FGD6: variants seen among roughly 807,000 people sequenced by gnomAD.
FGD6 encodes the protein FYVE, RhoGEF and PH domain-containing protein 6.
A neutral mutation model predicts 149.4 loss-of-function variants in FGD6; 90 were observed. The observed-to-expected ratio is 0.60, with a 90% confidence interval of 0.51 to 0.72. The LOEUF is 0.72. FGD6 is among the 30% of genes least tolerant of loss of function. The probability of loss-of-function intolerance (pLI) is 0.00; values close to 1 mark genes in which losing one functional copy is unlikely to be tolerated. For missense variants in FGD6, 1,437 were observed against 1,684.8 expected (o/e 0.85, Z 2.57); for synonymous variants, 527 against 584.0 (o/e 0.90, Z 1.41).
chr12:95,213,360 C>T (rs1336959624), intron 1 of FGD6, among the ~76,000 whole-genome samples: 3 of 152,126 alleles, frequency 2.0e-5, no homozygotes, highest in Non-Finnish European at 4.4e-5. Flanking sequence ...GGGAGGATTG[C>T]TTGAGCTCAG....
chr12:95,123,347 A>C (rs766716338), intron 8 of FGD6, among the ~76,000 whole-genome samples: 1 of 152,054 alleles, frequency 6.6e-6, no homozygotes, highest in African/African-American at 2.4e-5. Flanking sequence ...TATGTAAGGA[A>C]GCCCTGATCT....
chr12:95,110,150 G>A (rs1273964259), intron 9 of FGD6, among the ~76,000 whole-genome samples: 1 of 151,658 alleles, frequency 6.6e-6, no homozygotes, highest in Non-Finnish European at 1.5e-5. Flanking sequence ...CTAATTTTTT[G>A]TATTTTTAGT....
In FGD6 at chr12:95,080,567, ATGC is replaced by A. The variant is rs1877642172; in HGVS notation, c.*950_*952del. 1 of 152,132 alleles carries A rather than the reference ATGC, an allele frequency of 6.6e-6. No individual in the cohort carries two copies. The highest frequency in any genetic ancestry group is 1.5e-5 in the Non-Finnish European group (1 of 68,018). The allele number at this position is 152,132 out of a possible 1,614,324, so 9.4% of individuals were successfully genotyped here. On this transcript the variant is annotated 3_prime_UTR_variant, in exon 21 of 21. Coordinates refer to ENST00000343958, the MANE Select transcript of FGD6 (RefSeq NM_018351.4). ...TTTCAGTTATTACTGGCTTATAATT[ATGC>A]TTTTCTGATATAGTAATTCCAGTTC...
intron 8 of FGD6, among the ~76,000 whole-genome samples, chr12:95,125,008 T>C (rs1879294216): frequency 6.6e-6 from 1 of 152,180 alleles, no homozygotes; most frequent in Non-Finnish European, 1.5e-5. Flanking sequence ...ATTTTATTAC[T>C]GTGATTGTGG....
chr12:95,149,473 GTA>G (rs1880228049), intron 5 of FGD6, among the ~76,000 whole-genome samples: 1 of 128,220 alleles, frequency 7.8e-6, no homozygotes, highest in Admixed American at 9.6e-5. Context: ...ACATCACATA[GTA>G]TATATCACAT....
Position 95,084,482 on chromosome 12 carries a change from T to C in FGD6, c.4256+16A>G, listed in dbSNP as rs1267995118. The C allele has an allele frequency of 4.6e-6, 7 of 1,511,312 alleles. No individual in the cohort carries two copies. Among genetic ancestry groups the C allele is most frequent in the Non-Finnish European group, 5.3e-6 (6 of 1,136,260 alleles). The allele number at this position is 1,511,312 out of a possible 1,614,324, so 93.6% of individuals were successfully genotyped here. A position where few individuals can be genotyped will look rare whatever the true frequency, so the allele number is the denominator to read the frequency against. On this transcript the variant is annotated intron_variant, in intron 20 of 20. Transcript: ENST00000343958. Reference sequence around the variant, plus strand: ...AAATCTCATGAATAAAAGAAAAATATGGCCAGATTACTTACTTCTGAGCCG... The same window carrying C: ...AAATCTCATGAATAAAAGAAAAATACGGCCAGATTACTTACTTCTGAGCCG...
At chr12:95,124,662 T>C (rs1209295207) in intron 8 of FGD6, among the ~76,000 whole-genome samples, 1 of 152,120 alleles carries the variant, frequency 6.6e-6, no homozygotes, top group Non-Finnish European at 1.5e-5. Flanking sequence ...TTTGTAGCAA[T>C]GTCTATGGGT....
intron 3 of FGD6, among the ~76,000 whole-genome samples, chr12:95,165,487 C>T (rs1880782610): frequency 6.6e-6 from 1 of 151,868 alleles, no homozygotes; most frequent in Non-Finnish European, 1.5e-5. Context: ...GCATGCACCA[C>T]CACGCCTGGC....
chr12:95,143,256 A>G (rs1879905826), intron 5 of FGD6, among the ~76,000 whole-genome samples: 1 of 151,370 alleles, frequency 6.6e-6, no homozygotes, highest in Non-Finnish European at 1.5e-5. Flanking sequence ...ACCTGCCCCT[A>G]ACATACATAT....
chr12:95,137,487 A>G (rs1353802630), intron 7 of FGD6, 35 bp downstream of exon 7: 4 of 1,442,626 alleles, frequency 2.8e-6, no homozygotes, highest in Non-Finnish European at 3.7e-6. Context: ...AACAAAAAGA[A>G]AGAGAAGTGT....
At chr12:95,125,766 T>A (rs1318058705) in intron 8 of FGD6, 1 of 707,350 alleles carries the variant, frequency 1.4e-6, no homozygotes, top group Non-Finnish European at 2.6e-6. Context: ...CAATATGGTG[T>A]TCAGGCACTT....
chr12:95,143,988 C>T (rs573407126), intron 5 of FGD6, among the ~76,000 whole-genome samples: 2 of 152,198 alleles, frequency 1.3e-5, no homozygotes, highest in Non-Finnish European at 2.9e-5. Flanking sequence ...GGTATTTCCT[C>T]TGCCATGACA....
At chr12:95,118,496 G>C (rs1471448842) in intron 8 of FGD6, among the ~76,000 whole-genome samples, 1 of 152,132 alleles carries the variant, frequency 6.6e-6, no homozygotes, top group African/African-American at 2.4e-5. Context: ...AACCAACTTA[G>C]AGCAGAAACT....
intron 5 of FGD6, among the ~76,000 whole-genome samples, chr12:95,148,649 ATT>A (rs1227789645): frequency 8.8e-6 from 1 of 113,432 alleles, no homozygotes; most frequent in African/African-American, 3.6e-5. Context: ...TATTATATAT[ATT>A]ATATATTATA....
intron 3 of FGD6, among the ~76,000 whole-genome samples, chr12:95,167,561 C>T (rs1880857105): frequency 7.3e-6 from 1 of 136,826 alleles, no homozygotes. Flanking sequence ...GGTGATTGAT[C>T]TTTTTACTGT....
chr12:95,107,489 C>T, intron 12 of FGD6, 74 bp downstream of exon 12: 2 of 1,435,356 alleles, frequency 1.4e-6, no homozygotes, highest in Admixed American at 1.7e-5. Flanking sequence ...GCTTATCTAC[C>T]ATGTATAAAC....
At chr12:95,088,319 A>G (rs1474047722) in intron 18 of FGD6, among the ~76,000 whole-genome samples, 2 of 152,156 alleles carry the variant, frequency 1.3e-5, no homozygotes, top group Non-Finnish European at 2.9e-5. Context: ...CTAAAATCTT[A>G]GACTTTACCA....
At chr12:95,214,086 G>A (rs116649695) in intron 1 of FGD6, among the ~76,000 whole-genome samples, 2,312 of 152,224 alleles carry the variant, frequency 0.015, 61 homozygotes, top group African/African-American at 0.053. Context: ...TGTCTCCTGC[G>A]TTGATGTTTT....
chr12:95,093,012 G>A (rs903241304), intron 15 of FGD6, among the ~76,000 whole-genome samples, 167 bp from the exon 16 acceptor site: 3 of 151,734 alleles, frequency 2.0e-5, no homozygotes, highest in Admixed American at 2.0e-4. Flanking sequence ...CATGAGGTAC[G>A]GAGTTTGCGA....
Sources: allele counts gnomAD v4.1 joint callset (sites outside exome capture counted in the v4.1 genomes callset), GRCh38; gene constraint gnomAD v4.1.1; transcripts MANE v1.5; gene names NCBI Gene and HGNC (gene_info 2026-07-23, HGNC 2026-07-21).